The following STX8 variants were observed in gnomAD, a reference collection of about 807,000 sequenced individuals.
The protein encoded by STX8 is syntaxin 8.
In STX8, 23 loss-of-function variants were observed where a neutral mutation model predicts 37.5. The observed-to-expected ratio is 0.61, with a 90% CI of 0.44 to 0.87. The LOEUF (loss-of-function observed/expected upper bound fraction) is 0.87. STX8 is among the 40% of genes least tolerant of loss of function. The probability of loss-of-function intolerance (pLI) is 0.00; values close to 1 mark genes in which losing one functional copy is unlikely to be tolerated. For synonymous variants in STX8, 115 were observed against 99.1 expected, an observed-to-expected ratio of 1.16 and a Z score of -0.95; for missense variants, 313 against 284.7, an observed-to-expected ratio of 1.10 and a Z score of -0.71.
At chr17:9,252,795 T>C (rs1316888522) in intron 7 of STX8, among the ~76,000 whole-genome samples, 1 of 152,146 alleles carries the variant, frequency 6.6e-6, no homozygotes, top group African/African-American at 2.4e-5. Flanking sequence ...GAAAACCTCA[T>C]CCTAGTCTAC....
chr17:9,550,039 C>A (rs996986342), intron 3 of STX8, among the ~76,000 whole-genome samples: 1 of 151,972 alleles, frequency 6.6e-6, no homozygotes, highest in Non-Finnish European at 1.5e-5. Flanking sequence ...CTGGACAACA[C>A]GGTGAAACCC....
At chr17:9,552,510 T>C (rs1180998509) in intron 3 of STX8, among the ~76,000 whole-genome samples, 3 of 152,158 alleles carry the variant, frequency 2.0e-5, no homozygotes, top group African/African-American at 7.2e-5. Context: ...ACCTGTAAAA[T>C]CTGTTCAGTC....
chr17:9,375,106 G>A (rs1036162030), intron 7 of STX8, among the ~76,000 whole-genome samples: 2 of 146,956 alleles, frequency 1.4e-5, no homozygotes, highest in African/African-American at 2.5e-5. Context: ...TCTTTTTTCA[G>A]TATCTACTTA....
At chr17:9,390,216 T>C (rs1192421242) in intron 6 of STX8, among the ~76,000 whole-genome samples, 2 of 152,168 alleles carry the variant, frequency 1.3e-5, no homozygotes, top group African/African-American at 4.8e-5. Context: ...GTCTCTCATC[T>C]AGGCTTAAAA....
intron 6 of STX8, among the ~76,000 whole-genome samples, chr17:9,489,839 A>G (rs186082979): frequency 1.3e-5 from 2 of 151,796 alleles, no homozygotes; most frequent in East Asian, 3.9e-4. Flanking sequence ...CACGCATACA[A>G]CACCATGCCT....
intron 4 of STX8, among the ~76,000 whole-genome samples, chr17:9,526,883 A>C (rs1048925317): frequency 2.1e-4 from 32 of 151,936 alleles, no homozygotes; most frequent in Middle Eastern, 3.2e-3. Flanking sequence ...AAAACAAAAA[A>C]AAAGTAACGT....
chr17:9,438,607 T>C (rs1904528435), intron 6 of STX8, among the ~76,000 whole-genome samples: 1 of 152,120 alleles, frequency 6.6e-6, no homozygotes, highest in Admixed American at 6.6e-5. Flanking sequence ...AAAACTGCTG[T>C]TGCGGTGCAA....
chr17:9,468,729 C>G (rs1905720468), intron 6 of STX8, among the ~76,000 whole-genome samples: 1 of 152,196 alleles, frequency 6.6e-6, no homozygotes, highest in Admixed American at 6.5e-5. Flanking sequence ...ACCCGGCCTT[C>G]CCAGGGTGTT....
intron 7 of STX8, among the ~76,000 whole-genome samples, chr17:9,252,993 C>A (rs1906645679): frequency 6.6e-6 from 1 of 152,238 alleles, no homozygotes; most frequent in Non-Finnish European, 1.5e-5. Flanking sequence ...CAGAGGCTTG[C>A]TAGCTCCTGC....
chr17:9,512,520 T>A (rs1343166740), intron 4 of STX8, among the ~76,000 whole-genome samples: 1 of 151,908 alleles, frequency 6.6e-6, no homozygotes, highest in Non-Finnish European at 1.5e-5. Flanking sequence ...TGGAGTGCAG[T>A]GATGCAATCT....
rs114835423 is a variant in STX8 at position 9,255,922 on chromosome 17, G to T, written c.644-5277C>A. Among the ~76,000 whole-genome samples the T allele has an allele frequency of 3.0e-3, 459 of 152,278 alleles. 1 individual carries two copies. The highest frequency in any genetic ancestry group is 0.01 in the African/African-American group (431 of 41,544). On this transcript the variant is annotated intron_variant, in intron 7 of 7. Coordinates refer to ENST00000306357, the MANE Select transcript of STX8 (RefSeq NM_004853.3). ...TTCTTTAAGAAGTTTGGCTTTCTTCGAATGTGATCCCAGCTCTGGCACCTT... is the reference window on the plus strand; with the variant it reads ...TTCTTTAAGAAGTTTGGCTTTCTTCTAATGTGATCCCAGCTCTGGCACCTT...
rs1468291427 is a variant in STX8, at chr17:9,253,056, C to T, written c.644-2411G>A. Among the ~76,000 whole-genome samples the T allele has an allele frequency of 3.9e-5, 6 of 152,232 alleles. 1 individual carries two copies. Among genetic ancestry groups the T allele is most frequent in the East Asian group, 3.8e-4 (2 of 5,206 alleles). On this transcript the variant is annotated intron_variant, in intron 7 of 7. Coordinates refer to ENST00000306357, the MANE Select transcript of STX8 (RefSeq NM_004853.3). ...TGCAGCATCAGTTCGCCCACTTAGG[C>T]GCTGGCCTTCAATGCGCTCTTCATT...
At chr17:9,517,734 GTT>G (rs1905194657) in intron 4 of STX8, among the ~76,000 whole-genome samples, 1 of 140,396 alleles carries the variant, frequency 7.1e-6, no homozygotes. Context: ...CAGGAGGACT[GTT>G]TGAGCCCAAG....
chr17:9,278,018 G>A (rs1013535582), intron 7 of STX8, among the ~76,000 whole-genome samples: 5 of 152,164 alleles, frequency 3.3e-5, no homozygotes, highest in African/African-American at 1.2e-4. Flanking sequence ...TTATGTCACA[G>A]TGTGGAGACT....
At chr17:9,369,861 A>G (rs11654941) in intron 7 of STX8, among the ~76,000 whole-genome samples, 46,014 of 137,856 alleles carry the variant, frequency 0.33, 9,723 homozygotes, top group African/African-American at 0.61. Context: ...TCCAGCCAGG[A>G]TGACAGACCA....
At chr17:9,465,622 G>A (rs1195712081) in intron 6 of STX8, among the ~76,000 whole-genome samples, 2 of 152,162 alleles carry the variant, frequency 1.3e-5, no homozygotes, top group Admixed American at 6.5e-5. Flanking sequence ...GAGAAAAGGC[G>A]AGTTCAAACA....
At chr17:9,562,337 C>T (rs1389298441) in intron 2 of STX8, among the ~76,000 whole-genome samples, 1 of 150,952 alleles carries the variant, frequency 6.6e-6, no homozygotes, top group Non-Finnish European at 1.5e-5. Context: ...ACCCGGGAGG[C>T]GGAGCTTGAA....
At chr17:9,475,560 G>A (rs991563106) in intron 6 of STX8, among the ~76,000 whole-genome samples, 2 of 152,158 alleles carry the variant, frequency 1.3e-5, no homozygotes, top group South Asian at 2.1e-4. Flanking sequence ...TGGAACCCCC[G>A]GAACAGCCTT....
At chr17:9,296,533 G>C (rs1908549517) in intron 7 of STX8, among the ~76,000 whole-genome samples, 5 of 147,696 alleles carry the variant, frequency 3.4e-5, no homozygotes, top group Admixed American at 3.4e-4. Flanking sequence ...TAGTGTAAAT[G>C]TAAATGTTAT....
Sources: allele counts gnomAD v4.1 joint callset (sites outside exome capture counted in the v4.1 genomes callset), GRCh38; gene constraint gnomAD v4.1.1; transcripts MANE v1.5; gene names NCBI Gene and HGNC (gene_info 2026-07-23, HGNC 2026-07-21).